ACSL5: variants seen among roughly 807,000 people sequenced by gnomAD.
ACSL5 encodes the protein acyl-CoA synthetase long chain family member 5.
A neutral mutation model predicts 84.9 loss-of-function variants in ACSL5; 50 were observed. The observed-to-expected ratio is 0.59, with a 90% confidence interval of 0.47 to 0.75. ACSL5 has a LOEUF of 0.75. Ranked by LOEUF, ACSL5 falls within the 30% of genes least tolerant of loss-of-function variation. The pLI, the probability that ACSL5 is intolerant of heterozygous loss-of-function variation, is 0.00. For missense variants in ACSL5, 775 were observed against 830.4 expected (o/e 0.93, Z 0.82); for synonymous variants, 280 against 300.7 (o/e 0.93, Z 0.71).
intron 18 of ACSL5, 72 bp downstream of exon 18, chr10:112,425,553 G>T: frequency 8.0e-6 from 9 of 1,127,140 alleles, no homozygotes; most frequent in Non-Finnish European, 7.2e-6. Context: ...CAGGAAATTT[G>T]TATAGTTGGG....
rs1451439039 is a variant in ACSL5 at position 112,425,382 on chromosome 10, G to A, written c.1638G>A (p.Lys546=). Residue 546 remains lysine, a synonymous_variant, in exon 18 of 21, where the codon AAG becomes AAA. Coordinates refer to ENST00000354655, the MANE Select transcript of ACSL5 (RefSeq NM_203379.2). ...TCGACCGTAAAAAGAACATTTTCAA[G>A]CTGGCCCAAGGAGAATACATTGCAC... The part of the protein sequence containing the change: ...KIIDRKKNIF[K]LAQGEYIAPE... 2 of 1,613,062 alleles carry A rather than the reference G, an allele frequency of 1.2e-6. No individual in the cohort carries two copies. The highest frequency in any genetic ancestry group is 1.7e-6 in the Non-Finnish European group (2 of 1,179,548).
Position 112,398,048 on chromosome 10 carries a change from T to TAAGCC in ACSL5, c.157-853_157-852insAAGCC, listed in dbSNP as rs1564735004. Among the ~76,000 whole-genome samples, 2 of 702 alleles carry TAAGCC rather than the reference T, an allele frequency of 2.8e-3. 1 individual carries two copies. Among genetic ancestry groups the TAAGCC allele is most frequent in the Non-Finnish European group, 5.4e-3 (2 of 372 alleles). The allele number at this position is 702 out of a possible 152,430, so 0.5% of individuals were successfully genotyped here. A position where few individuals can be genotyped will look rare whatever the true frequency, so the allele number is the denominator to read the frequency against. On this transcript the variant is annotated intron_variant, in intron 2 of 20. Transcript: ENST00000354655. ...GATTACAGATCCACTTTTCTTTTTT[T>TAAGCC]TTTTTTTTTTTTTTTTTTTTTTTTT...
At chr10:112,389,336 G>A (rs560004292) in intron 1 of ACSL5, among the ~76,000 whole-genome samples, 3 of 152,314 alleles carry the variant, frequency 2.0e-5, no homozygotes, top group East Asian at 3.9e-4. Flanking sequence ...GAGAGGGGAA[G>A]GCCCTGGAGT....
intron 1 of ACSL5, among the ~76,000 whole-genome samples, chr10:112,388,856 A>G (rs1849504026): frequency 6.6e-6 from 1 of 152,172 alleles, no homozygotes; most frequent in Non-Finnish European, 1.5e-5. Context: ...GCAATACACA[A>G]CCATTTCAGA....
intron 2 of ACSL5, among the ~76,000 whole-genome samples, chr10:112,396,682 C>T (rs2133595822): frequency 6.6e-6 from 1 of 152,058 alleles, no homozygotes; most frequent in African/African-American, 2.4e-5. Context: ...CATGTTTTCT[C>T]CCTTCACACA....
chr10:112,374,801 G>A (rs1385643824), intron 1 of ACSL5, among the ~76,000 whole-genome samples: 1 of 152,106 alleles, frequency 6.6e-6, no homozygotes, highest in Admixed American at 6.5e-5. Context: ...GCGTCTCCAG[G>A]CTGTTAAACA....
chr10:112,408,128 G>A (rs1345732561), intron 5 of ACSL5, among the ~76,000 whole-genome samples: 3 of 151,558 alleles, frequency 2.0e-5, no homozygotes, highest in Non-Finnish European at 4.4e-5. Flanking sequence ...GTGAAATCCC[G>A]TCTCTACAAA....
intron 9 of ACSL5, among the ~76,000 whole-genome samples, 179 bp downstream of exon 9, chr10:112,410,814 C>G (rs1844160420): frequency 6.6e-6 from 1 of 152,160 alleles, no homozygotes; most frequent in Non-Finnish European, 1.5e-5. Flanking sequence ...AGTAAATACA[C>G]TTTATTTAAT....
At chr10:112,383,517 A>G (rs927587648) in intron 1 of ACSL5, among the ~76,000 whole-genome samples, 3 of 152,178 alleles carry the variant, frequency 2.0e-5, no homozygotes, top group Non-Finnish European at 4.4e-5. Flanking sequence ...CTCAGCCTTC[A>G]CCTTTGCTCT....
intron 3 of ACSL5, 96 bp from the exon 4 acceptor site, chr10:112,404,414 AC>A: frequency 1.1e-6 from 1 of 873,586 alleles, no homozygotes; most frequent in South Asian, 1.5e-5. Context: ...TGTTGGACTT[AC>A]CCTTTGTGTC....
intron 17 of ACSL5, among the ~76,000 whole-genome samples, chr10:112,423,711 C>T (rs959395311): frequency 2.0e-5 from 3 of 152,056 alleles, no homozygotes; most frequent in African/African-American, 7.2e-5. Context: ...GCATGGGTCC[C>T]CTGCAATGGA....
chr10:112,408,301 A>ATC (rs1844095606), intron 5 of ACSL5, 121 bp from the exon 6 acceptor site: 1 of 468,294 alleles, frequency 2.1e-6, no homozygotes, highest in Non-Finnish European at 3.8e-6. Flanking sequence ...ACTGTCTCAA[A>ATC]AAAAAAAAAA....
intron 3 of ACSL5, among the ~76,000 whole-genome samples, chr10:112,402,050 C>A (rs1038406057): frequency 6.6e-6 from 1 of 151,940 alleles, no homozygotes; most frequent in Non-Finnish European, 1.5e-5. Context: ...ACTGCAACCT[C>A]CACCTCCTGG....
intron 20 of ACSL5, 98 bp downstream of exon 20, chr10:112,426,957 G>A: frequency 1.8e-6 from 2 of 1,139,314 alleles, no homozygotes; most frequent in Non-Finnish European, 2.6e-6. Flanking sequence ...CTAAGGAATT[G>A]ATTTTAGATT....
intron 7 of ACSL5, chr10:112,410,204 A>T: frequency 6.7e-7 from 1 of 1,488,806 alleles, no homozygotes; most frequent in Non-Finnish European, 9.0e-7. Flanking sequence ...GCCCTAGATG[A>T]CTGAAACTTA....
Position 112,398,996 on chromosome 10 carries a change from A to G in ACSL5, c.252A>G (p.Gly84=), listed in dbSNP as rs1311916706. Residue 84 remains glycine (G), a synonymous_variant, in exon 3 of 21, where the codon GGA becomes GGG. Coordinates refer to ENST00000354655, the MANE Select transcript of ACSL5 (RefSeq NM_203379.2). ...CTATGTATGAGGTTTTCCAAAGAGG[A>G]CTCGCTGTGTCTGGTAAGCCTGGTG... ...AKTMYEVFQR[G]LAVSDNGPCL... The G allele has an allele frequency of 1.9e-6, 3 of 1,613,440 alleles. No homozygotes were observed. In the African/African-American group the frequency reaches 4.0e-5, roughly 22 times the overall value.
Position 112,411,435 on chromosome 10 carries a change from TC to T in ACSL5, c.797-19del. 1 of 1,590,176 alleles carries T rather than the reference TC, an allele frequency of 6.3e-7. No homozygotes were observed. Among genetic ancestry groups the T allele is most frequent in the Non-Finnish European group, 8.6e-7 (1 of 1,158,420 alleles). ...ATTAGCTACATAAAGTATCTTTCTC[TC>T]CACCTCTTATTTCCTACAGGTGACC... is the stretch of plus-strand genomic sequence containing the variant. On this transcript the variant is annotated intron_variant, in intron 9 of 20. Coordinates refer to ENST00000354655, the MANE Select transcript of ACSL5 (RefSeq NM_203379.2).
Position 112,416,949 on chromosome 10 carries a change from A to G in ACSL5, c.1145A>G (p.Lys382Arg). 1 of 1,614,084 alleles carries G rather than the reference A, an allele frequency of 6.2e-7. No homozygotes were observed. The highest frequency in any genetic ancestry group is 1.1e-5 in the South Asian group (1 of 91,076). ...KFLLKLAVSS[K>R]FKELQKGIIR... ...TTGTTGAAGCTGGCTGTTTCCAGTA[A>G]ATTCAAAGAGCTTCAAAAGGGTATC... is the stretch of plus-strand genomic sequence containing the variant. The change falls in exon 13 of 21, where the codon AAA (lysine) becomes AGA (arginine). Residue 382 changes from lysine to arginine, a missense_variant. Transcript: ENST00000354655.
intron 14 of ACSL5, among the ~76,000 whole-genome samples, chr10:112,421,342 G>C (rs1285350455): frequency 1.3e-5 from 2 of 150,306 alleles, no homozygotes; most frequent in Non-Finnish European, 3.0e-5. Flanking sequence ...TTGTGTTTTT[G>C]TAGAGATGGG....
Sources: allele counts gnomAD v4.1 joint callset (sites outside exome capture counted in the v4.1 genomes callset), GRCh38; gene constraint gnomAD v4.1.1; transcripts MANE v1.5; gene names NCBI Gene and HGNC (gene_info 2026-07-23, HGNC 2026-07-21).